The following ADCY2 variants were observed in gnomAD, a reference collection of about 807,000 sequenced individuals.
ADCY2 encodes adenylate cyclase 2, also known as adenylate cyclase type 2.
In ADCY2, 31 loss-of-function variants were observed where a neutral mutation model predicts 125.2. The observed-to-expected ratio is 0.25, with a 90% CI of 0.19 to 0.33. The LOEUF is 0.33. ADCY2 is among the 10% of genes least tolerant of loss of function. The pLI is 1.00. For synonymous variants in ADCY2, 512 were observed against 548.4 expected (o/e 0.93, Z 0.93); for missense variants, 904 against 1,418.2 (o/e 0.64, Z 5.82).
chr5:7,622,551 A>T (rs896359104), intron 3 of ADCY2, among the ~76,000 whole-genome samples: 1 of 152,214 alleles, frequency 6.6e-6, no homozygotes, highest in Non-Finnish European at 1.5e-5. Flanking sequence ...TTCAAATTAC[A>T]TTTGTTGGAA....
At chr5:7,523,977 T>C (rs909792721) in intron 3 of ADCY2, among the ~76,000 whole-genome samples, 6 of 152,228 alleles carry the variant, frequency 3.9e-5, no homozygotes, top group Non-Finnish European at 8.8e-5. Flanking sequence ...AATCCACTTA[T>C]AGCACGTAGA....
Position 7,816,964 on chromosome 5 carries a change from C to T in ADCY2, c.2982C>T (p.Asp994=). 2 of 1,614,090 alleles carry T rather than the reference C, an allele frequency of 1.2e-6. No homozygotes were observed. The highest frequency in any genetic ancestry group is 1.7e-6 in the Non-Finnish European group (2 of 1,179,986). ...CCATCAACAAGCACTCCTTCAACGA[C>T]TTCAAATTGCGAGTGGGTACGTTCT... ...LDAINKHSFN[D]FKLRVGINHG... is the part of the protein sequence containing the mutation. Residue 994 remains aspartate (D), a synonymous_variant, in exon 23 of 25, where the codon GAC becomes GAT. Transcript: ENST00000338316.
At chr5:7,764,767 G>C (rs11134262) in intron 16 of ADCY2, among the ~76,000 whole-genome samples, 23,793 of 152,194 alleles carry the variant, frequency 0.16, 2,506 homozygotes, top group East Asian at 0.62. Flanking sequence ...ATTTTCAGTG[G>C]AGAAAGTTGG....
In ADCY2 at chr5:7,695,815, A is replaced by G. The variant is rs1195735320; in HGVS notation, c.933A>G (p.Leu311=). The G allele has an allele frequency of 6.2e-7, 1 of 1,613,062 alleles. No homozygotes were observed. Residue 311 remains leucine, a synonymous_variant, in exon 6 of 25, where the codon CTA becomes CTG. Coordinates refer to ENST00000338316, the MANE Select transcript of ADCY2 (RefSeq NM_020546.3). ...CAAGTGACTGCTCCCCGGGAGAACT[A>G]GTCCACATGCTGAATGAGCTCTTTG... ...RLASDCSPGE[L]VHMLNELFGK...
chr5:7,783,686 C>T (rs201339269), intron 18 of ADCY2, among the ~76,000 whole-genome samples: 2 of 152,126 alleles, frequency 1.3e-5, no homozygotes, highest in East Asian at 1.9e-4. Flanking sequence ...ATGTAATGTT[C>T]GCATGTCAGC....
intron 1 of ADCY2, among the ~76,000 whole-genome samples, chr5:7,408,190 A>G (rs888220691): frequency 1.3e-5 from 2 of 149,236 alleles, no homozygotes; most frequent in East Asian, 2.0e-4. Context: ...AGTTCTAACC[A>G]AGAACTCTAG....
chr5:7,518,804 G>C (rs549830324), intron 2 of ADCY2, among the ~76,000 whole-genome samples: 1 of 152,014 alleles, frequency 6.6e-6, no homozygotes, highest in Non-Finnish European at 1.5e-5. Flanking sequence ...GTCTCCTCCC[G>C]GTGAGGGCAG....
intron 4 of ADCY2, among the ~76,000 whole-genome samples, chr5:7,641,462 A>G (rs930933115): frequency 4.6e-5 from 7 of 152,172 alleles, no homozygotes; most frequent in Non-Finnish European, 1.0e-4. Context: ...GTGTTTTATT[A>G]TATTATGATG....
chr5:7,824,340 C>T (rs1037481003), intron 24 of ADCY2, among the ~76,000 whole-genome samples: 3 of 152,154 alleles, frequency 2.0e-5, no homozygotes, highest in African/African-American at 7.2e-5. Context: ...TTCTTCCTCC[C>T]GGTTTCCCAT....
At chr5:7,397,534 A>G (rs79065346) in intron 1 of ADCY2, among the ~76,000 whole-genome samples, 2,539 of 150,076 alleles carry the variant, frequency 0.017, 76 homozygotes, top group African/African-American at 0.06. Context: ...TAGAATATAA[A>G]TATGTGCCTA....
At chr5:7,418,363 G>A (rs1250191016) in intron 2 of ADCY2, among the ~76,000 whole-genome samples, 4 of 152,148 alleles carry the variant, frequency 2.6e-5, no homozygotes, top group East Asian at 1.9e-4. Flanking sequence ...GATGTTTCTG[G>A]GAGGAGCACA....
chr5:7,550,812 T>A (rs1179787990), intron 3 of ADCY2, among the ~76,000 whole-genome samples: 1 of 152,156 alleles, frequency 6.6e-6, no homozygotes, highest in Non-Finnish European at 1.5e-5. Flanking sequence ...TCAGCCACAC[T>A]GATCTGCTTA....
chr5:7,559,600 A>G (rs13168568), intron 3 of ADCY2, among the ~76,000 whole-genome samples: 45,675 of 152,120 alleles, frequency 0.3, 8,031 homozygotes, highest in Non-Finnish European at 0.4. Flanking sequence ...TTTCCTAGAT[A>G]TACGATCATG....
At chr5:7,530,766 T>C (rs1734612600) in intron 3 of ADCY2, among the ~76,000 whole-genome samples, 3 of 152,054 alleles carry the variant, frequency 2.0e-5, no homozygotes, top group African/African-American at 7.2e-5. Context: ...TTCCTAGCCT[T>C]GTCTTCTATT....
chr5:7,754,656 C>T (rs762941024), intron 15 of ADCY2, among the ~76,000 whole-genome samples: 24 of 151,956 alleles, frequency 1.6e-4, no homozygotes, highest in Non-Finnish European at 7.4e-5. Context: ...AAGCTCGGCT[C>T]TTCATATTGT....
At position 7,802,141 on chromosome 5, in the gene ADCY2, C is replaced by A; in HGVS notation, c.2629-77C>A. On this transcript the variant is annotated intron_variant, in intron 20 of 24. Coordinates refer to ENST00000338316, the MANE Select transcript of ADCY2 (RefSeq NM_020546.3). This position sits in a 1 kb window ranked among gnomAD's most constrained non-coding sequence, Gnocchi z 4.6. The stretch of plus-strand genomic sequence containing the variant: ...ATGTCTGTGTGAATCCTGGCATAAA[C>A]AAGCCACTTGCCTGTGGAGTGTTTC... 1 of 1,529,090 alleles carries A rather than the reference C, an allele frequency of 6.5e-7. No homozygotes were observed. Among genetic ancestry groups the A allele is most frequent in the Non-Finnish European group, 8.9e-7 (1 of 1,129,058 alleles). The allele number at this position is 1,529,090 out of a possible 1,614,324, so 94.7% of individuals were successfully genotyped here.
chr5:7,730,246 C>G (rs560576210), intron 14 of ADCY2, among the ~76,000 whole-genome samples: 1 of 152,154 alleles, frequency 6.6e-6, no homozygotes, highest in Non-Finnish European at 1.5e-5. Context: ...AATTTTCCAT[C>G]GTGTATGTAT....
chr5:7,595,251 T>C (rs1429534240), intron 3 of ADCY2, among the ~76,000 whole-genome samples: 1 of 152,230 alleles, frequency 6.6e-6, no homozygotes, highest in African/African-American at 2.4e-5. Flanking sequence ...CAATACTAGC[T>C]TCGCTTTTCT....
At chr5:7,681,244 T>C (rs1740323225) in intron 4 of ADCY2, among the ~76,000 whole-genome samples, 2 of 152,244 alleles carry the variant, frequency 1.3e-5, no homozygotes, top group Non-Finnish European at 1.5e-5. Context: ...CTTATTATTC[T>C]TTCCTGAAAA....
Sources: allele counts gnomAD v4.1 joint callset (sites outside exome capture counted in the v4.1 genomes callset), GRCh38; gene constraint gnomAD v4.1.1; non-coding constraint Gnocchi (gnomAD v3.1); transcripts MANE v1.5; gene names NCBI Gene and HGNC (gene_info 2026-07-23, HGNC 2026-07-21).